Variants in NEGR1 observed in about 807,000 individuals in gnomAD.
NEGR1 encodes IgLON family member 4.
A neutral mutation model predicts 40.9 loss-of-function variants in NEGR1; 10 were observed. That is an observed-to-expected ratio of 0.24 (90% confidence interval 0.15 to 0.42). NEGR1 has a LOEUF of 0.42. Ranked by LOEUF, NEGR1 falls within the 10% of genes least tolerant of loss-of-function variation. The pLI is 1.00. For synonymous variants in NEGR1, 185 were observed against 166.8 expected, an observed-to-expected ratio of 1.11 and a Z score of -0.84; for missense variants, 352 against 438.9, an observed-to-expected ratio of 0.80 and a Z score of 1.77.
chr1:71,560,870 A>G (rs1284927536), intron 6 of NEGR1, among the ~76,000 whole-genome samples: 1 of 151,538 alleles, frequency 6.6e-6, no homozygotes, highest in Non-Finnish European at 1.5e-5. Flanking sequence ...GCAAGACTAA[A>G]GGGAAAAATT....
At position 72,250,985 on chromosome 1, in the gene NEGR1, G is replaced by C. The variant is rs139224128; in HGVS notation, c.176+31334C>G. Among the ~76,000 whole-genome samples, 22 of 152,234 alleles carry C rather than the reference G, an allele frequency of 1.4e-4. 1 individual carries two copies. In the East Asian group the frequency reaches 4.2e-3, roughly 29 times the overall value. ...CCATAACTCTCCAGATAAACTGAAG[G>C]GACTGAAAAATTTATGAACTCATGA... On this transcript the variant is annotated intron_variant, in intron 1 of 6. Transcript: ENST00000357731.
chr1:72,251,537 T>A (rs1217761413), intron 1 of NEGR1, among the ~76,000 whole-genome samples: 6 of 152,150 alleles, frequency 3.9e-5, no homozygotes, highest in Non-Finnish European at 8.8e-5. Context: ...TAAAACGGCA[T>A]AATATTCGCA....
intron 1 of NEGR1, among the ~76,000 whole-genome samples, chr1:72,104,229 A>G (rs959988625): frequency 1.3e-5 from 2 of 152,130 alleles, no homozygotes; most frequent in African/African-American, 2.4e-5. Context: ...ACATGGCAAA[A>G]GTAACTCTGT....
At chr1:72,259,047 C>T (rs973387374) in intron 1 of NEGR1, among the ~76,000 whole-genome samples, 6 of 152,112 alleles carry the variant, frequency 3.9e-5, no homozygotes, top group Non-Finnish European at 8.8e-5. Context: ...TTTACTCTTA[C>T]ACATTTTAAA....
At chr1:71,972,305 C>T (rs1468161916) in intron 1 of NEGR1, among the ~76,000 whole-genome samples, 1 of 152,034 alleles carries the variant, frequency 6.6e-6, no homozygotes, top group African/African-American at 2.4e-5. Context: ...AAGTAAAAGA[C>T]CTAAGGATAT....
intron 2 of NEGR1, among the ~76,000 whole-genome samples, chr1:71,933,887 G>A (rs768820232): frequency 6.6e-6 from 1 of 152,000 alleles, no homozygotes; most frequent in Non-Finnish European, 1.5e-5. Context: ...AACAATTGAA[G>A]GTGTGTTTGA....
At chr1:71,494,009 T>C (rs1352722947) in intron 6 of NEGR1, among the ~76,000 whole-genome samples, 1 of 152,208 alleles carries the variant, frequency 6.6e-6, no homozygotes, top group African/African-American at 2.4e-5. Context: ...GATTTTATCT[T>C]CTCTTTCCTT....
intron 6 of NEGR1, among the ~76,000 whole-genome samples, chr1:71,561,497 T>G (rs1335485544): frequency 1.3e-5 from 2 of 151,710 alleles, no homozygotes; most frequent in African/African-American, 4.8e-5. Flanking sequence ...CTGTATAAAA[T>G]TATGTACTCA....
intron 6 of NEGR1, among the ~76,000 whole-genome samples, chr1:71,569,166 T>G (rs2101490774): frequency 6.6e-6 from 1 of 152,240 alleles, no homozygotes; most frequent in South Asian, 2.1e-4. Context: ...TCCTCCTGCC[T>G]TGGCCTCCCA....
chr1:71,725,418 A>G (rs1471022049), intron 3 of NEGR1, among the ~76,000 whole-genome samples: 3 of 152,080 alleles, frequency 2.0e-5, no homozygotes, highest in Non-Finnish European at 4.4e-5. Context: ...ATCCATGCTG[A>G]TAAGAGTTAA....
At chr1:71,945,004 C>T (rs1269109561) in intron 1 of NEGR1, among the ~76,000 whole-genome samples, 1 of 151,924 alleles carries the variant, frequency 6.6e-6, no homozygotes, top group Non-Finnish European at 1.5e-5. Context: ...TAAACAGCTT[C>T]CTGTAAAAAA....
intron 6 of NEGR1, among the ~76,000 whole-genome samples, chr1:71,540,047 C>T (rs1647639649): frequency 6.6e-6 from 1 of 151,692 alleles, no homozygotes; most frequent in Admixed American, 6.6e-5. Context: ...GTAAATAGAG[C>T]ATTAAGTCAA....
intron 4 of NEGR1, among the ~76,000 whole-genome samples, chr1:71,687,425 T>C (rs888212080): frequency 6.6e-6 from 1 of 152,258 alleles, no homozygotes; most frequent in African/African-American, 2.4e-5. Flanking sequence ...TTGTTTTTAT[T>C]TGTTTGTTTT....
chr1:71,595,379 G>A (rs911587130), intron 5 of NEGR1, among the ~76,000 whole-genome samples: 2 of 152,196 alleles, frequency 1.3e-5, no homozygotes, highest in Non-Finnish European at 2.9e-5. Flanking sequence ...TTCTGCAGTT[G>A]TGTGTTTTAG....
chr1:71,652,676 G>A (rs1043202545), intron 4 of NEGR1, among the ~76,000 whole-genome samples: 1 of 152,070 alleles, frequency 6.6e-6, no homozygotes, highest in Non-Finnish European at 1.5e-5. Flanking sequence ...GACCAGCCTG[G>A]ACAACATGGT....
intron 1 of NEGR1, among the ~76,000 whole-genome samples, chr1:72,078,776 A>G (rs987601311): frequency 1.3e-5 from 2 of 150,826 alleles, no homozygotes; most frequent in East Asian, 3.9e-4. Flanking sequence ...AATAGCTGGG[A>G]TTACAGGTGC....
intron 1 of NEGR1, among the ~76,000 whole-genome samples, chr1:72,197,217 A>G (rs1365604952): frequency 6.6e-6 from 1 of 152,010 alleles, no homozygotes; most frequent in Non-Finnish European, 1.5e-5. Flanking sequence ...AGTTAATTTT[A>G]ATCACTACAG....
intron 6 of NEGR1, among the ~76,000 whole-genome samples, chr1:71,410,548 T>C (rs974436417): frequency 2.0e-4 from 31 of 152,200 alleles, no homozygotes; most frequent in African/African-American, 7.2e-4. Flanking sequence ...GAGGATTCCC[T>C]ATGGCAGATA....
At chr1:72,122,550 T>C (rs1649843258) in intron 1 of NEGR1, among the ~76,000 whole-genome samples, 1 of 151,936 alleles carries the variant, frequency 6.6e-6, no homozygotes, top group South Asian at 2.1e-4. Flanking sequence ...ATCTATTTGA[T>C]TATGTTATGT....
Sources: gnomAD v4.1 joint callset for allele counts (sites outside exome capture counted in the v4.1 genomes callset) on GRCh38, gnomAD v4.1.1 for gene constraint, MANE v1.5 for transcripts, NCBI Gene and HGNC (gene_info 2026-07-23, HGNC 2026-07-21) for gene names.